Variants in CHODL observed in about 807,000 individuals in gnomAD.
CHODL encodes transmembrane protein MT75.
CHODL carries 29 observed loss-of-function variants against 34.5 expected under a neutral mutation model. That is an observed-to-expected ratio of 0.84 (90% CI 0.63 to 1.15). The LOEUF (loss-of-function observed/expected upper bound fraction) is 1.15. CHODL is among the 50% of genes most tolerant of loss of function. The probability of loss-of-function intolerance (pLI) is 0.00; values close to 1 mark genes in which losing one functional copy is unlikely to be tolerated. For synonymous variants in CHODL, 125 were observed against 116.1 expected, an observed-to-expected ratio of 1.08 and a Z score of -0.49; for missense variants, 332 against 332.5, an observed-to-expected ratio of 1.00 and a Z score of 0.01.
intron 2 of CHODL, among the ~76,000 whole-genome samples, chr21:18,051,214 A>G (rs1330368483): frequency 2.0e-5 from 3 of 151,934 alleles, no homozygotes; most frequent in Non-Finnish European, 4.4e-5. Context: ...TTTGCTGAGC[A>G]TGATGGTTTC....
Position 18,266,198 on chromosome 21 carries a change from T to C in CHODL, c.*160T>C. 1 of 1,540,348 alleles carries C rather than the reference T, an allele frequency of 6.5e-7. No homozygotes were observed. The highest frequency in any genetic ancestry group is 1.7e-4 in the Middle Eastern group (1 of 5,922). On this transcript the variant is annotated 3_prime_UTR_variant, in exon 6 of 6. Transcript: ENST00000299295. ...ATTAAAGTAATTTTTATATGTCTAT[T>C]ATTTCATTTAAAGAATATGCTGTGC...
chr21:18,260,610 T>C (rs1436391380), intron 4 of CHODL, among the ~76,000 whole-genome samples: 1 of 151,932 alleles, frequency 6.6e-6, no homozygotes, highest in African/African-American at 2.4e-5. Flanking sequence ...CCCAGGAGTT[T>C]GAGACCATCC....
At chr21:18,097,381 G>A (rs2065152712) in intron 2 of CHODL, among the ~76,000 whole-genome samples, 2 of 152,038 alleles carry the variant, frequency 1.3e-5, no homozygotes, top group African/African-American at 4.8e-5. Context: ...AAAGTTGCAG[G>A]ATATAAAATC....
In CHODL at chr21:18,245,236, G is replaced by T. The variant is rs1351139541; in HGVS notation, c.13G>T (p.Val5Phe). ...CCACCGCGCCGCGATGAGCCGCGTGGTCTCGCTGCTGCTGGGCGCCGCGCT... is the reference window on the plus strand; with the variant it reads ...CCACCGCGCCGCGATGAGCCGCGTGTTCTCGCTGCTGCTGGGCGCCGCGCT... MSRVVSLLLGAALLC... is the reference protein window; with the variant it reads MSRVFSLLLGAALLC... The change falls in exon 1 of 6, where the codon GTC (valine) becomes TTC (phenylalanine). Residue 5 changes from valine to phenylalanine, a missense_variant. Coordinates refer to ENST00000299295, the MANE Select transcript of CHODL (RefSeq NM_024944.3). The T allele has an allele frequency of 6.6e-7, 1 of 1,522,578 alleles. No homozygotes were observed. Among genetic ancestry groups the T allele is most frequent in the Middle Eastern group, 2.2e-4 (1 of 4,512 alleles). The allele number at this position is 1,522,578 out of a possible 1,614,324, so 94.3% of individuals were successfully genotyped here.
chr21:17,928,043 G>A (rs2063242466), intron 1 of CHODL, among the ~76,000 whole-genome samples: 1 of 152,160 alleles, frequency 6.6e-6, no homozygotes, highest in South Asian at 2.1e-4. Flanking sequence ...AGGTTCACTA[G>A]GGTTCAAAAC....
At chr21:18,046,289 A>G (rs928977620) in intron 2 of CHODL, among the ~76,000 whole-genome samples, 11 of 151,952 alleles carry the variant, frequency 7.2e-5, no homozygotes, top group Admixed American at 2.6e-4. Flanking sequence ...TTTGGTGTAC[A>G]TTTAAGCTGC....
At chr21:17,968,546 G>T (rs530669305) in intron 1 of CHODL, among the ~76,000 whole-genome samples, 6 of 152,150 alleles carry the variant, frequency 3.9e-5, no homozygotes, top group South Asian at 2.1e-4. Context: ...TGCCCTAATG[G>T]TTTCTTTTTT....
At chr21:17,967,711 A>G (rs1358471745) in intron 1 of CHODL, among the ~76,000 whole-genome samples, 1 of 149,106 alleles carries the variant, frequency 6.7e-6, no homozygotes, top group Non-Finnish European at 1.5e-5. Flanking sequence ...AAAAAAGTGC[A>G]AGGAGAGTGT....
At chr21:18,260,177 A>C (rs752374458) in intron 3 of CHODL, 23 bp from the exon 4 acceptor site, 1 of 1,161,570 alleles carries the variant, frequency 8.6e-7, no homozygotes, top group South Asian at 1.7e-5. Flanking sequence ...ATTATATATG[A>C]TGGTGGTTCT....
chr21:18,128,174 G>T (rs113874090), intron 2 of CHODL, among the ~76,000 whole-genome samples: 7 of 150,880 alleles, frequency 4.6e-5, no homozygotes, highest in African/African-American at 1.7e-4. Context: ...GGTGGCGGGC[G>T]CCTGTAGTCC....
intron 2 of CHODL, among the ~76,000 whole-genome samples, chr21:18,028,257 T>TA (rs2064200629): frequency 1.4e-5 from 1 of 71,948 alleles, no homozygotes; most frequent in Non-Finnish European, 2.8e-5. Context: ...CTTTTCCTTT[T>TA]CTTTTTCTTT....
intron 2 of CHODL, among the ~76,000 whole-genome samples, chr21:18,142,496 T>TA (rs2072815531): frequency 6.6e-6 from 1 of 152,176 alleles, no homozygotes; most frequent in Admixed American, 6.5e-5. Context: ...GAGAATTAGT[T>TA]AGAGTCATTT....
chr21:18,103,386 AT>A (rs1402922252), intron 2 of CHODL, among the ~76,000 whole-genome samples: 3 of 152,190 alleles, frequency 2.0e-5, no homozygotes, highest in African/African-American at 7.2e-5. Flanking sequence ...TTGACTCCTG[AT>A]TTGAACACAC....
At chr21:18,017,311 G>A (rs1334340391) in intron 1 of CHODL, among the ~76,000 whole-genome samples, 1 of 152,196 alleles carries the variant, frequency 6.6e-6, no homozygotes, top group Non-Finnish European at 1.5e-5. Context: ...GATCATGGGG[G>A]TGGATTTTCT....
Position 18,108,837 on chromosome 21 carries a change from T to TGTGTG in CHODL, c.-45+80866_-45+80867insGTGTG, listed in dbSNP as rs1568890511. Among the ~76,000 whole-genome samples the TGTGTG allele has an allele frequency of 1.4e-3, 206 of 146,266 alleles. 2 individuals are homozygous for TGTGTG. Among genetic ancestry groups the TGTGTG allele is most frequent in the African/African-American group, 4.6e-3 (182 of 39,924 alleles). On this transcript the variant is annotated intron_variant, in intron 2 of 6. Coordinates refer to the CHODL transcript ENST00000400127. ...TTCTCAGATTCTCTTCTTTGCAATG[T>TGTGTG]TGTGTGTGTGTGTGTGTGTGTGTGT...
At chr21:18,140,535 C>T (rs925722784) in intron 2 of CHODL, among the ~76,000 whole-genome samples, 2 of 152,048 alleles carry the variant, frequency 1.3e-5, no homozygotes, top group African/African-American at 4.8e-5. Context: ...AACTAGGAAG[C>T]ATGAAAAATG....
At chr21:18,201,562 G>A (rs1188795558) in intron 2 of CHODL, among the ~76,000 whole-genome samples, 1 of 151,884 alleles carries the variant, frequency 6.6e-6, no homozygotes, top group Non-Finnish European at 1.5e-5. Context: ...TTATTTTGAA[G>A]GTTTTTTTCT....
At chr21:18,025,264 C>T (rs1190753316) in intron 1 of CHODL, among the ~76,000 whole-genome samples, 1 of 152,144 alleles carries the variant, frequency 6.6e-6, no homozygotes, top group African/African-American at 2.4e-5. Context: ...CTACTGGTCA[C>T]TTGGCTAGCT....
chr21:18,068,662 G>C (rs1211909824), intron 2 of CHODL, among the ~76,000 whole-genome samples: 1 of 152,062 alleles, frequency 6.6e-6, no homozygotes, highest in Non-Finnish European at 1.5e-5. Context: ...CATCTTACTT[G>C]CATCTGTGCA....
Sources: gnomAD v4.1 joint callset for allele counts (sites outside exome capture counted in the v4.1 genomes callset) on GRCh38, gnomAD v4.1.1 for gene constraint, MANE v1.5 for transcripts, NCBI Gene and HGNC (gene_info 2026-07-23, HGNC 2026-07-21) for gene names.